ZBTB7C: variants seen among roughly 807,000 people sequenced by gnomAD.
ZBTB7C encodes the protein zinc finger and BTB domain containing 7C, also known as zinc finger and BTB domain-containing protein 7C.
A neutral mutation model predicts 25.7 loss-of-function variants in ZBTB7C; 8 were observed. That is an observed-to-expected ratio of 0.31 (90% CI 0.18 to 0.56). The LOEUF (loss-of-function observed/expected upper bound fraction) is 0.56. Among genes scored for constraint, ZBTB7C ranks in the 20% least tolerant of loss-of-function variants. The pLI is 0.91. For synonymous variants in ZBTB7C, 394 were observed against 369.0 expected, an observed-to-expected ratio of 1.07 and a Z score of -0.78; for missense variants, 824 against 855.2, an observed-to-expected ratio of 0.96 and a Z score of 0.46.
chr18:48,215,114 G>C (rs2042790812), intron 2 of ZBTB7C, among the ~76,000 whole-genome samples: 1 of 152,164 alleles, frequency 6.6e-6, no homozygotes, highest in Non-Finnish European at 1.5e-5. Flanking sequence ...CAGGTTCTAG[G>C]TTAAAAAGAC....
intron 3 of ZBTB7C, among the ~76,000 whole-genome samples, chr18:48,158,324 C>T (rs2040899302): frequency 1.3e-5 from 2 of 152,310 alleles, no homozygotes; most frequent in East Asian, 1.9e-4. Context: ...CTCTGGCCCT[C>T]GCAGGCTACA....
intron 1 of ZBTB7C, among the ~76,000 whole-genome samples, chr18:48,399,115 A>G (rs1249170646): frequency 6.6e-6 from 1 of 152,238 alleles, no homozygotes; most frequent in African/African-American, 2.4e-5. Context: ...GCAAAGTGAG[A>G]TTCAATGCGT....
chr18:48,189,663 C>A (rs1279996861), intron 2 of ZBTB7C, among the ~76,000 whole-genome samples: 1 of 152,198 alleles, frequency 6.6e-6, no homozygotes, highest in African/African-American at 2.4e-5. Context: ...ATAGATACGG[C>A]ATAAGTTCAC....
chr18:48,394,326 G>T (rs368124059), intron 1 of ZBTB7C, among the ~76,000 whole-genome samples: 1 of 152,118 alleles, frequency 6.6e-6, no homozygotes, highest in Admixed American at 6.5e-5. Flanking sequence ...GTCAGTAGCC[G>T]GGTTTTCTAG....
chr18:48,154,648 G>C (rs2040779898), intron 3 of ZBTB7C, among the ~76,000 whole-genome samples: 1 of 152,156 alleles, frequency 6.6e-6, no homozygotes, highest in Non-Finnish European at 1.5e-5. Flanking sequence ...TGGAAAACTT[G>C]ATGTGTCTAG....
intron 2 of ZBTB7C, among the ~76,000 whole-genome samples, chr18:48,264,368 C>T (rs1013746174): frequency 1.3e-5 from 2 of 150,540 alleles, no homozygotes; most frequent in African/African-American, 2.4e-5. Context: ...GAGCACTCGC[C>T]GCATGTCACT....
chr18:48,141,036 T>C (rs1395312475), intron 3 of ZBTB7C, among the ~76,000 whole-genome samples: 1 of 152,102 alleles, frequency 6.6e-6, no homozygotes, highest in Non-Finnish European at 1.5e-5. Flanking sequence ...GGTCCTGTCA[T>C]AGGGCACTCA....
intron 3 of ZBTB7C, among the ~76,000 whole-genome samples, chr18:48,066,746 C>G (rs1258802130): frequency 1.3e-5 from 2 of 152,228 alleles, no homozygotes; most frequent in African/African-American, 4.8e-5. Context: ...CAAGCTCTCA[C>G]TGTGTTGCCA....
intron 2 of ZBTB7C, among the ~76,000 whole-genome samples, chr18:48,213,134 C>G (rs191345547): frequency 7.7e-4 from 117 of 151,828 alleles, no homozygotes; most frequent in Non-Finnish European, 1.2e-3. Flanking sequence ...AGCCAGGGCA[C>G]AGACCTTTTG....
At position 48,028,986 on chromosome 18, in the gene ZBTB7C, T is replaced by G; in HGVS notation, c.*274A>C. 2.2e-6 allele frequency: 1 copy of G among 447,604 alleles called. No individual in the cohort carries two copies. The highest frequency in any genetic ancestry group is 3.9e-6 in the Non-Finnish European group (1 of 258,786). 27.7% of individuals were successfully genotyped at this position (447,604 alleles called of 1,614,324 possible). ...CCTGGGCACCCAGTTCTTTGTGGCA[T>G]GGGCCGGTGCAAGTTTCTATATGAG... On this transcript the variant is annotated 3_prime_UTR_variant, in exon 5 of 5. Transcript: ENST00000590800.
At chr18:48,359,002 T>A (rs1006313140) in intron 1 of ZBTB7C, among the ~76,000 whole-genome samples, 7 of 152,138 alleles carry the variant, frequency 4.6e-5, no homozygotes, top group Non-Finnish European at 1.5e-5. Flanking sequence ...CTGTCTCCAA[T>A]GCTTCCTGCT....
chr18:48,098,092 T>C (rs956325418), intron 3 of ZBTB7C, among the ~76,000 whole-genome samples: 24 of 152,134 alleles, frequency 1.6e-4, no homozygotes, highest in African/African-American at 5.1e-4. Flanking sequence ...CCACAAACTA[T>C]TGGCTAGCCT....
At chr18:48,207,457 T>G (rs907902007) in intron 2 of ZBTB7C, among the ~76,000 whole-genome samples, 1 of 152,238 alleles carries the variant, frequency 6.6e-6, no homozygotes, top group Non-Finnish European at 1.5e-5. Flanking sequence ...GCATAGTTAC[T>G]GCATGAATAC....
intron 3 of ZBTB7C, among the ~76,000 whole-genome samples, chr18:48,184,040 C>T (rs2041994329): frequency 6.6e-6 from 1 of 152,196 alleles, no homozygotes; most frequent in South Asian, 2.1e-4. Context: ...AGTCAGTCAC[C>T]AGTGGCTCAA....
chr18:48,179,818 T>C (rs1269013416), intron 3 of ZBTB7C, among the ~76,000 whole-genome samples: 1 of 122,834 alleles, frequency 8.1e-6, no homozygotes, highest in African/African-American at 3.1e-5. Context: ...TTTCCTTCCT[T>C]CCTCCCTTCC....
intron 1 of ZBTB7C, among the ~76,000 whole-genome samples, chr18:48,407,750 C>T (rs1479774816): frequency 2.0e-5 from 3 of 152,150 alleles, no homozygotes; most frequent in Admixed American, 2.0e-4. Flanking sequence ...ATGCTTTTTG[C>T]TCATGTACTT....
chr18:48,093,191 C>T (rs1432165774), intron 3 of ZBTB7C, among the ~76,000 whole-genome samples: 4 of 152,204 alleles, frequency 2.6e-5, no homozygotes, highest in Admixed American at 6.5e-5. Context: ...GAGCTGGGCC[C>T]ACAGAGTAGA....
intron 2 of ZBTB7C, among the ~76,000 whole-genome samples, chr18:48,264,752 G>C (rs994703020): frequency 2.0e-5 from 3 of 152,144 alleles, no homozygotes; most frequent in African/African-American, 7.2e-5. Flanking sequence ...TCATGTGGTG[G>C]ACACTCCCCC....
rs117965140 is a variant in ZBTB7C at position 48,108,934 on chromosome 18, T to G, written c.-16-67811A>C. On this transcript the variant is annotated intron_variant, in intron 3 of 4. Coordinates refer to ENST00000590800, the MANE Select transcript of ZBTB7C (RefSeq NM_001318841.2). ...GTTGTTAAATGTCCTTGAAACTGTATGAAAAAGTGGGGAGAGTGGAGCACT... is the reference window on the plus strand; with the variant it reads ...GTTGTTAAATGTCCTTGAAACTGTAGGAAAAAGTGGGGAGAGTGGAGCACT... 3.0e-3 allele frequency among the ~76,000 whole-genome samples: 454 copies of G among 151,960 alleles called. 2 individuals carry two copies. The highest frequency in any genetic ancestry group is 4.8e-3 in the Non-Finnish European group (323 of 67,956).
Sources: gnomAD v4.1 joint callset for allele counts (sites outside exome capture counted in the v4.1 genomes callset) on GRCh38, gnomAD v4.1.1 for gene constraint, MANE v1.5 for transcripts, NCBI Gene and HGNC (gene_info 2026-07-23, HGNC 2026-07-21) for gene names.